Variants in CCNY observed in about 807,000 individuals in gnomAD.
The protein encoded by CCNY is cyclin Y, also known as cyclin-Y.
A neutral mutation model predicts 42.8 loss-of-function variants in CCNY; 19 were observed. That is an observed-to-expected ratio of 0.44 (90% CI 0.31 to 0.65). The LOEUF is 0.65. Ranked by LOEUF, CCNY falls within the 30% of genes least tolerant of loss-of-function variation. The pLI is 0.07. For synonymous variants in CCNY, 165 were observed against 162.7 expected (o/e 1.01, Z -0.11); for missense variants, 370 against 437.3 (o/e 0.85, Z 1.37).
chr10:35,555,396 T>A (rs1201685695), intron 8 of CCNY, among the ~76,000 whole-genome samples: 1 of 152,212 alleles, frequency 6.6e-6, no homozygotes, highest in Non-Finnish European at 1.5e-5. Context: ...GAATTCTAGG[T>A]ACTTAGGTTG....
intron 7 of CCNY, among the ~76,000 whole-genome samples, chr10:35,533,124 G>T (rs1840804851): frequency 1.3e-5 from 2 of 152,094 alleles, no homozygotes; most frequent in Non-Finnish European, 2.9e-5. Context: ...AGTATTAATA[G>T]CTTTCCCCAC....
intron 1 of CCNY, among the ~76,000 whole-genome samples, chr10:35,477,842 C>A (rs1390424166): frequency 6.6e-6 from 1 of 151,608 alleles, no homozygotes; most frequent in Non-Finnish European, 1.5e-5. Context: ...AAGAGGAAGT[C>A]AAATTGTCCC....
At chr10:35,321,320 A>T (rs1423540656) in intron 3 of CCNY, among the ~76,000 whole-genome samples, 2 of 152,120 alleles carry the variant, frequency 1.3e-5, no homozygotes, top group Non-Finnish European at 2.9e-5. Context: ...TACAAGACTA[A>T]ATATGATGAT....
intron 3 of CCNY, among the ~76,000 whole-genome samples, chr10:35,309,126 T>C (rs1317374747): frequency 6.6e-6 from 1 of 152,248 alleles, no homozygotes; most frequent in East Asian, 1.9e-4. Flanking sequence ...GAATCAGCCA[T>C]GCAGAGGGAA....
intron 3 of CCNY, among the ~76,000 whole-genome samples, chr10:35,509,825 C>A (rs181749106): frequency 1.4e-4 from 21 of 152,288 alleles, no homozygotes; most frequent in Admixed American, 1.3e-3. Context: ...ACACAAAGTT[C>A]TTGAATTCCA....
intron 1 of CCNY, among the ~76,000 whole-genome samples, chr10:35,353,528 A>G (rs1017864138): frequency 2.6e-5 from 4 of 152,186 alleles, no homozygotes; most frequent in Admixed American, 6.5e-5. Flanking sequence ...TCAGAGCATC[A>G]AGGACCTCAT....
intron 1 of CCNY, among the ~76,000 whole-genome samples, chr10:35,413,335 A>G (rs942745969): frequency 1.3e-5 from 2 of 152,160 alleles, no homozygotes; most frequent in Non-Finnish European, 2.9e-5. Flanking sequence ...GTCAGTGGAT[A>G]TTGGTGACTG....
intron 8 of CCNY, among the ~76,000 whole-genome samples, chr10:35,557,267 C>G (rs1260485952): frequency 6.6e-6 from 1 of 152,136 alleles, no homozygotes; most frequent in Non-Finnish European, 1.5e-5. Context: ...GAAAATTTTA[C>G]ATTGCTGCTT....
intron 4 of CCNY, among the ~76,000 whole-genome samples, chr10:35,521,884 A>G (rs970512454): frequency 6.6e-6 from 1 of 152,098 alleles, no homozygotes; most frequent in Non-Finnish European, 1.5e-5. Context: ...GGAAGTAAAA[A>G]CAATGACCGG....
intron 1 of CCNY, among the ~76,000 whole-genome samples, chr10:35,480,606 G>GCGA (rs1589149398): frequency 6.6e-6 from 1 of 152,258 alleles, no homozygotes; most frequent in Non-Finnish European, 1.5e-5. Context: ...TGTTGGAGAG[G>GCGA]CAGTCCAGCC....
chr10:35,298,396 A>G (rs918948240), intron 3 of CCNY, among the ~76,000 whole-genome samples: 4 of 152,256 alleles, frequency 2.6e-5, no homozygotes, highest in Non-Finnish European at 4.4e-5. Flanking sequence ...AGAATTTTCT[A>G]TAAATGTAAT....
intron 1 of CCNY, among the ~76,000 whole-genome samples, chr10:35,479,110 G>A (rs1322034983): frequency 6.6e-6 from 1 of 151,786 alleles, no homozygotes; most frequent in Non-Finnish European, 1.5e-5. Context: ...GAAACAGCAG[G>A]TGCTGGAGAG....
chr10:35,312,159 C>T (rs963238569), intron 3 of CCNY, among the ~76,000 whole-genome samples: 3 of 151,908 alleles, frequency 2.0e-5, no homozygotes, highest in Non-Finnish European at 2.9e-5. Context: ...AGGCGGATCA[C>T]GAGGTCAGGA....
chr10:35,533,788 G>T (rs1436597970), intron 7 of CCNY, among the ~76,000 whole-genome samples: 4 of 152,118 alleles, frequency 2.6e-5, no homozygotes, highest in African/African-American at 9.7e-5. Flanking sequence ...GAAATGTCTG[G>T]TCTTTTTGTC....
At chr10:35,328,234 G>A (rs986494801) in intron 3 of CCNY, among the ~76,000 whole-genome samples, 2 of 152,150 alleles carry the variant, frequency 1.3e-5, no homozygotes, top group African/African-American at 4.8e-5. Flanking sequence ...GGGGGCACTC[G>A]CTTTGACCTG....
intron 1 of CCNY, among the ~76,000 whole-genome samples, chr10:35,419,457 C>T (rs1476762943): frequency 1.3e-5 from 2 of 151,076 alleles, no homozygotes; most frequent in Non-Finnish European, 2.9e-5. Flanking sequence ...AAAAGTAATC[C>T]AGGTATGACC....
intron 1 of CCNY, among the ~76,000 whole-genome samples, chr10:35,377,910 T>C (rs1837090408): frequency 6.6e-6 from 1 of 152,234 alleles, no homozygotes; most frequent in Admixed American, 6.5e-5. Flanking sequence ...GTCAGTCTTT[T>C]GTGCTATGTT....
At chr10:35,323,224 C>T (rs1277112009) in intron 3 of CCNY, among the ~76,000 whole-genome samples, 3 of 152,062 alleles carry the variant, frequency 2.0e-5, no homozygotes, top group Admixed American at 6.6e-5. Flanking sequence ...CCACCGCACT[C>T]GGCTGCCATT....
intron 3 of CCNY, among the ~76,000 whole-genome samples, chr10:35,278,362 G>C (rs1023140943): frequency 6.6e-6 from 1 of 151,938 alleles, no homozygotes; most frequent in African/African-American, 2.4e-5. Flanking sequence ...GGCCACTCCA[G>C]GTGAAAGTCA....
Sources: gnomAD v4.1 joint callset for allele counts (sites outside exome capture counted in the v4.1 genomes callset) on GRCh38, gnomAD v4.1.1 for gene constraint, MANE v1.5 for transcripts, NCBI Gene and HGNC (gene_info 2026-07-23, HGNC 2026-07-21) for gene names.